USHBP1: variants seen among roughly 807,000 people sequenced by gnomAD.
The protein encoded by USHBP1 is USH1 protein network component harmonin binding protein 1, also known as harmonin-binding protein USHBP1.
Under a neutral mutation model 76.2 loss-of-function variants are expected in USHBP1, and 67 were observed. The observed-to-expected ratio is 0.88, with a 90% CI of 0.72 to 1.08. The LOEUF (loss-of-function observed/expected upper bound fraction) is 1.08. Among genes scored for constraint, USHBP1 ranks in the 50% least tolerant of loss-of-function variants. USHBP1 has a pLI of 0.00. For synonymous variants in USHBP1, 322 were observed against 362.2 expected, an observed-to-expected ratio of 0.89 and a Z score of 1.26; for missense variants, 931 against 915.0, an observed-to-expected ratio of 1.02 and a Z score of -0.23.
chr19:17,251,416 A>C lies in USHBP1; in HGVS notation c.1922+166T>G, dbSNP rs541291717. ...TGACCTCAAGTGATCTGCTGGCCTC[A>C]GCCTCCCAACATGCTGGGATTACAG... On this transcript the variant is annotated intron_variant, in intron 12 of 12. Transcript: ENST00000252597. 7.2e-3 allele frequency among the ~76,000 whole-genome samples: 1,102 copies of C among 152,174 alleles called. 8 individuals carry two copies. The highest frequency in any genetic ancestry group is 0.012 in the Non-Finnish European group (785 of 67,994).
intron 4 of USHBP1, 100 bp from the exon 5 acceptor site, chr19:17,260,122 T>A (rs2073670545): frequency 6.9e-7 from 1 of 1,441,056 alleles, no homozygotes; most frequent in African/African-American, 1.4e-5. Flanking sequence ...GAACCCTAGC[T>A]GGAAGGCAAG....
In USHBP1 at chr19:17,262,620, C is replaced by G. The variant is rs762798138; in HGVS notation, c.574G>C (p.Asp192His). 49 of 1,613,798 alleles carry G rather than the reference C, an allele frequency of 3.0e-5. No homozygotes were observed. The highest frequency in any genetic ancestry group is 3.5e-5 in the Non-Finnish European group (41 of 1,180,018). The change falls in exon 4 of 13, where the codon GAT becomes CAT. Residue 192 changes from aspartate (D) to histidine (H), a missense_variant. Transcript: ENST00000252597. ...WLRLALSSRE[D>H]ELVRTQASLE... ...GAGGCCTGCGTGCGGACCAGCTCATCCTCTCGGCTACTCAGGGCCAGCCGG... is the reference window on the plus strand; with the variant it reads ...GAGGCCTGCGTGCGGACCAGCTCATGCTCTCGGCTACTCAGGGCCAGCCGG...
Position 17,259,927 on chromosome 19 carries a change from A to T in USHBP1, c.738T>A (p.Ser246=). 1 of 1,614,060 alleles carries T rather than the reference A, an allele frequency of 6.2e-7. No individual in the cohort carries two copies. Among genetic ancestry groups the T allele is most frequent in the Non-Finnish European group, 8.5e-7 (1 of 1,179,946 alleles). The part of the protein sequence containing the change: ...AGGSGSGSSS[S]EADREPWETQ... ...TCTCCCAGGGTTCCCTGTCTGCCTCAGAGCTGCTAGAACCACTGCCTGAGC... is the reference window on the plus strand; with the variant it reads ...TCTCCCAGGGTTCCCTGTCTGCCTCTGAGCTGCTAGAACCACTGCCTGAGC... The change falls in exon 5 of 13, where the codon TCT becomes TCA. Residue 246 remains serine (S), a synonymous_variant. Coordinates refer to ENST00000252597, the MANE Select transcript of USHBP1 (RefSeq NM_031941.4).
intron 3 of USHBP1, 101 bp downstream of exon 3, chr19:17,263,901 G>A (rs2073720689): frequency 1.4e-6 from 2 of 1,390,584 alleles, no homozygotes; most frequent in Admixed American, 3.0e-5. Flanking sequence ...GCAATAGGGA[G>A]CTATGGTAGG....
At chr19:17,256,769 G>A (rs749678287) in intron 8 of USHBP1, 49 bp from the exon 9 acceptor site, 3 of 1,611,306 alleles carry the variant, frequency 1.9e-6, no homozygotes, top group East Asian at 4.5e-5. Flanking sequence ...AGGCATAGGT[G>A]GGTTAAGTTC....
chr19:17,260,002 G>A lies in USHBP1; in HGVS notation c.663C>T (p.Ser221=), dbSNP rs959847400. 1.9e-6 allele frequency: 3 copies of A among 1,613,426 alleles called. No individual in the cohort carries two copies. The highest frequency in any genetic ancestry group is 2.5e-6 in the Non-Finnish European group (3 of 1,179,734). ...GTGGGCAGGGCTCCAGCCTCAAGAG[G>A]GAATCCTGCAGCTCTTGAACCTGGG... The part of the protein sequence containing the change: ...LQKEVQELQD[S]LLRLEPCPHL... Residue 221 remains serine, a synonymous_variant, in exon 5 of 13, where the codon TCC becomes TCT. Transcript: ENST00000252597.
At position 17,251,988 on chromosome 19, in the gene USHBP1, AC is replaced by A; in HGVS notation, c.1721del (p.Ser574MetfsTer17). The A allele has an allele frequency of 6.5e-7, 1 of 1,549,548 alleles. No individual in the cohort carries two copies. The highest frequency in any genetic ancestry group is 8.7e-7 in the Non-Finnish European group (1 of 1,147,304). ...TGCCCACCTGGCCACCATCAATGCC[AC>A]TGGTGCCACCAGGGACAGCAGGAAG... Reference protein sequence around the residue: ...QGLPAVPGGTSGIDGGQVGRA... With the variant: ...QGLPAVPGGTXGIDGGQVGRA... On this transcript the variant is annotated frameshift_variant, in exon 11 of 13. Transcript: ENST00000252597. LOFTEE classifies it high-confidence loss of function.
At chr19:17,255,247 G>A (rs1253781150) in intron 10 of USHBP1, 138 bp downstream of exon 10, 3 of 952,806 alleles carry the variant, frequency 3.1e-6, no homozygotes, top group Non-Finnish European at 4.6e-6. Context: ...AGCCGAGATT[G>A]CAACATTGCA....
intron 12 of USHBP1, 130 bp downstream of exon 12, chr19:17,251,452 C>T (rs2073550010): frequency 7.7e-7 from 1 of 1,299,842 alleles, no homozygotes; most frequent in African/African-American, 1.5e-5. Flanking sequence ...GTGTGAGCCA[C>T]CACACCTGAC....
At chr19:17,253,823 C>T (rs543653306) in intron 10 of USHBP1, among the ~76,000 whole-genome samples, 4 of 146,770 alleles carry the variant, frequency 2.7e-5, no homozygotes, top group African/African-American at 5.0e-5. Context: ...GAACCTGGGA[C>T]GCAGAGATTG....
chr19:17,256,829 G>T, intron 8 of USHBP1, 109 bp from the exon 9 acceptor site: 1 of 1,480,878 alleles, frequency 6.8e-7, no homozygotes, highest in South Asian at 1.3e-5. Context: ...GGCCACGATG[G>T]AATCTATGCC....
At chr19:17,263,255 G>A in intron 3 of USHBP1, 1 of 303,848 alleles carries the variant, frequency 3.3e-6, no homozygotes, top group Non-Finnish European at 6.0e-6. Context: ...CTAGGCTGGT[G>A]TCAAACTCCT....
Position 17,262,784 on chromosome 19 carries a change from C to T in USHBP1, c.410G>A (p.Arg137His), listed in dbSNP as rs199702527. 2.6e-5 allele frequency: 42 copies of T among 1,614,006 alleles called. 1 individual carries two copies. The highest frequency in any genetic ancestry group is 2.0e-4 in the East Asian group (9 of 44,882). ...SSLEAAAAAW[R>H]HQPPSHSGPM... ...CCCAGAATGGCTGGGGGGCTGGTGG[C>T]GCCAGGCTGCAGCCGCTGCCTCCAG... Residue 137 changes from arginine to histidine, a missense_variant, in exon 4 of 13, where the codon CGC (arginine) becomes CAC (histidine). Transcript: ENST00000252597.
chr19:17,257,801 C>T (rs1453889675), intron 8 of USHBP1, among the ~76,000 whole-genome samples: 1 of 152,114 alleles, frequency 6.6e-6, no homozygotes, highest in Non-Finnish European at 1.5e-5. Flanking sequence ...GGCACACCAC[C>T]ATGCCCAGCT....
Position 17,259,279 on chromosome 19 carries a change from G to T in USHBP1, c.1046+10C>A. ...CCCAGCTGGTGACATCACTGGCAGG[G>T]TGCACTGACCTGTACTGCAAGGCCA... On this transcript the variant is annotated intron_variant, in intron 7 of 12. Coordinates refer to ENST00000252597, the MANE Select transcript of USHBP1 (RefSeq NM_031941.4). 6.3e-7 allele frequency: 1 copy of T among 1,589,508 alleles called. No homozygotes were observed. Among genetic ancestry groups the T allele is most frequent in the South Asian group, 1.1e-5 (1 of 89,192 alleles).
rs1280056782 is a variant in USHBP1, at chr19:17,259,700, C to G, written c.801G>C (p.Arg267=). 19 of 1,613,398 alleles carry G rather than the reference C, an allele frequency of 1.2e-5. No individual in the cohort carries two copies. The highest frequency in any genetic ancestry group is 1.5e-5 in the Non-Finnish European group (18 of 1,179,798). The change falls in exon 6 of 13, where the codon CGG becomes CGC. Residue 267 remains arginine, a synonymous_variant. Coordinates refer to ENST00000252597, the MANE Select transcript of USHBP1 (RefSeq NM_031941.4). ...DSFSLAHPLL[R]RLRSHSSTQI... ...GGGTGCTGGAATGGCTGCGGAGGCG[C>G]CGAAGCAGGGGGTGAGCCAGGGAGA...
chr19:17,253,298 CTT>C (rs766563444), intron 10 of USHBP1, among the ~76,000 whole-genome samples: 7 of 114,262 alleles, frequency 6.1e-5, no homozygotes, highest in East Asian at 2.7e-4. Context: ...ATTTTTTTTT[CTT>C]TTTTTTTTTT....
At chr19:17,252,636 A>G (rs1020639151) in intron 10 of USHBP1, among the ~76,000 whole-genome samples, 3 of 151,836 alleles carry the variant, frequency 2.0e-5, no homozygotes, top group African/African-American at 7.3e-5. Context: ...CTAAGGCAGG[A>G]GAATCGCTTG....
intron 3 of USHBP1, 56 bp downstream of exon 3, chr19:17,263,946 G>A (rs1204217005): frequency 2.7e-6 from 4 of 1,469,698 alleles, no homozygotes; most frequent in Non-Finnish European, 3.6e-6. Context: ...GCAGATCTGT[G>A]GATGGCAAAG....
Sources: gnomAD v4.1 joint callset for allele counts (sites outside exome capture counted in the v4.1 genomes callset) on GRCh38, gnomAD v4.1.1 for gene constraint, MANE v1.5 for transcripts, NCBI Gene and HGNC (gene_info 2026-07-23, HGNC 2026-07-21) for gene names.